The following NKD1 variants were observed in gnomAD, a reference collection of about 807,000 sequenced individuals.
The protein encoded by NKD1 is NKD inhibitor of Wnt signaling pathway 1, also known as protein naked cuticle homolog 1.
In NKD1, 21 loss-of-function variants were observed where a neutral mutation model predicts 56.0. The ratio of observed to expected loss-of-function variants is 0.38; its 90% CI spans 0.27 to 0.54. The LOEUF is 0.54. Among genes scored for constraint, NKD1 ranks in the 20% least tolerant of loss-of-function variants. NKD1 has a pLI of 0.82. For synonymous variants in NKD1, 263 were observed against 265.7 expected, an observed-to-expected ratio of 0.99 and a Z score of 0.10; for missense variants, 578 against 642.7, an observed-to-expected ratio of 0.90 and a Z score of 1.09.
intron 2 of NKD1, 41 bp from the exon 3 acceptor site, chr16:50,549,381 C>T (rs752527401): frequency 8.1e-6 from 13 of 1,597,118 alleles, no homozygotes; most frequent in East Asian, 2.3e-5. Context: ...CTTTTGGCAC[C>T]TGGAGCCAGA....
At chr16:50,603,722 A>G (rs1015549475) in intron 3 of NKD1, among the ~76,000 whole-genome samples, 5 of 152,214 alleles carry the variant, frequency 3.3e-5, no homozygotes. Context: ...TCGCTCCCCA[A>G]GGCTGCTTTG....
At chr16:50,586,432 G>T (rs890972545) in intron 3 of NKD1, among the ~76,000 whole-genome samples, 2 of 152,094 alleles carry the variant, frequency 1.3e-5, no homozygotes, top group South Asian at 2.1e-4. Flanking sequence ...CCAGCCAGGG[G>T]TCATTTAGCT....
intron 3 of NKD1, among the ~76,000 whole-genome samples, chr16:50,591,889 G>A (rs1467885318): frequency 1.3e-5 from 2 of 152,260 alleles, no homozygotes; most frequent in Admixed American, 1.3e-4. Flanking sequence ...CCAAGAAATA[G>A]GTGGGGTGGC....
intron 2 of NKD1, 197 bp downstream of exon 2, chr16:50,548,946 G>A: frequency 2.1e-6 from 2 of 957,176 alleles, no homozygotes; most frequent in African/African-American, 3.7e-5. Flanking sequence ...CCGCGGTCCT[G>A]CGCTCCCACC....
intron 3 of NKD1, chr16:50,566,069 T>G: frequency 1.3e-6 from 1 of 759,172 alleles, no homozygotes; most frequent in Non-Finnish European, 1.6e-6. Flanking sequence ...AAAGCTGGAG[T>G]TTTTCCTTCT....
At chr16:50,595,242 C>G (rs1039987909) in intron 3 of NKD1, among the ~76,000 whole-genome samples, 5 of 152,202 alleles carry the variant, frequency 3.3e-5, no homozygotes, top group Admixed American at 6.5e-5. Flanking sequence ...TGGGTAAGTC[C>G]TGTCCCTTTT....
Position 50,598,256 on chromosome 16 carries a change from T to C in NKD1, c.193-10038T>C, listed in dbSNP as rs1212886388. Among the ~76,000 whole-genome samples, 3 of 144,100 alleles carry C rather than the reference T, an allele frequency of 2.1e-5. No individual in the cohort carries two copies. The highest frequency in any genetic ancestry group is 1.4e-4 in the Admixed American group (2 of 14,436). The allele number at this position is 144,100 out of a possible 152,430, so 94.5% of individuals were successfully genotyped here. The stretch of plus-strand genomic sequence containing the variant: ...GTGTGTGTGTGTGTGTGTGTGTGTG[T>C]GTGTGTGCGCGCACACCTGTGCTCA... On this transcript the variant is annotated intron_variant, in intron 3 of 9. Coordinates refer to ENST00000268459, the MANE Select transcript of NKD1 (RefSeq NM_033119.5). This position sits in a 1 kb window ranked among gnomAD's most constrained non-coding sequence, Gnocchi z 4.2.
chr16:50,618,897 G>C (rs929032103), intron 4 of NKD1, among the ~76,000 whole-genome samples: 7 of 152,228 alleles, frequency 4.6e-5, no homozygotes, highest in African/African-American at 1.7e-4. Context: ...GCCCCTTCAG[G>C]TGAGGAGAAA....
Position 50,621,611 on chromosome 16 carries a change from C to T in NKD1, c.269C>T (p.Pro90Leu), listed in dbSNP as rs1962090971. The change falls in exon 5 of 10, where the codon CCT (proline) becomes CTT (leucine). Residue 90 changes from proline to leucine, a missense_variant. Coordinates refer to ENST00000268459, the MANE Select transcript of NKD1 (RefSeq NM_033119.5). ...EDDFRLEVAL[P>L]PEKTDGLGSG... ...CCTGCCTCCCCGACAGTGGCCCTGCCTCCTGAGAAGACTGACGGGCTGGGC... is the reference window on the plus strand; with the variant it reads ...CCTGCCTCCCCGACAGTGGCCCTGCTTCCTGAGAAGACTGACGGGCTGGGC... The T allele has an allele frequency of 6.2e-7, 1 of 1,613,640 alleles. No homozygotes were observed. Among genetic ancestry groups the T allele is most frequent in the Non-Finnish European group, 8.5e-7 (1 of 1,179,698 alleles).
At chr16:50,579,698 C>A (rs1010634596) in intron 3 of NKD1, among the ~76,000 whole-genome samples, 3 of 149,282 alleles carry the variant, frequency 2.0e-5, no homozygotes, top group Non-Finnish European at 4.4e-5. Context: ...CTGTCTTACT[C>A]CTGCGGGCTA....
At chr16:50,620,922 G>A (rs770091510) in intron 4 of NKD1, among the ~76,000 whole-genome samples, 55 of 152,224 alleles carry the variant, frequency 3.6e-4, no homozygotes, top group Non-Finnish European at 6.9e-4. Flanking sequence ...GGTTCAGGAT[G>A]AGCGTGCTCC....
intron 3 of NKD1, among the ~76,000 whole-genome samples, chr16:50,592,473 G>T (rs1229618910): frequency 2.6e-5 from 4 of 152,238 alleles, no homozygotes; most frequent in Non-Finnish European, 5.9e-5. Flanking sequence ...GAGAGGGTTA[G>T]CGGTGTCCTT....
Position 50,637,723 on chromosome 16 carries a change from G to A in NKD1, c.*3942G>A, listed in dbSNP as rs560799988. 1.3e-5 allele frequency: 2 copies of A among 152,358 alleles called. No homozygotes were observed. The highest frequency in any genetic ancestry group is 1.3e-4 in the Admixed American group (2 of 15,302). 9.4% of individuals were successfully genotyped at this position (152,358 alleles called of 1,614,324 possible). ...AGCACATTTTCCTGCAGGCTGGTAT[G>A]GGTGAGAGGTTTGGTCTTGTTTGCA... On this transcript the variant is annotated 3_prime_UTR_variant, in exon 10 of 10. Coordinates refer to ENST00000268459, the MANE Select transcript of NKD1 (RefSeq NM_033119.5).
intron 8 of NKD1, 125 bp downstream of exon 8, chr16:50,631,035 A>G: frequency 1.6e-6 from 1 of 614,424 alleles, no homozygotes; most frequent in Non-Finnish European, 2.8e-6. Flanking sequence ...CTTTTGATGC[A>G]CAGACTCATA....
intron 3 of NKD1, among the ~76,000 whole-genome samples, chr16:50,584,712 A>G (rs1567341054): frequency 6.6e-6 from 1 of 152,238 alleles, no homozygotes; most frequent in Non-Finnish European, 1.5e-5. Flanking sequence ...ACCCAAGGCC[A>G]TAGGCACATG....
intron 3 of NKD1, chr16:50,570,731 C>A: frequency 1.3e-6 from 1 of 797,616 alleles, no homozygotes; most frequent in Non-Finnish European, 1.5e-6. Context: ...CAAGCTTGGC[C>A]AGCCTTTGGA....
chr16:50,564,703 T>TCTGTC (rs1222110752), intron 3 of NKD1, among the ~76,000 whole-genome samples: 2 of 152,192 alleles, frequency 1.3e-5, no homozygotes, highest in Non-Finnish European at 2.9e-5. Flanking sequence ...TCTGTTCTGT[T>TCTGTC]CTGTCCAAGT....
intron 3 of NKD1, among the ~76,000 whole-genome samples, chr16:50,584,382 G>A (rs997764246): frequency 1.3e-5 from 2 of 152,178 alleles, no homozygotes; most frequent in African/African-American, 4.8e-5. Flanking sequence ...CCCCCAAAAG[G>A]GTATGGAATC....
rs911286754 is a variant in NKD1, at chr16:50,638,057, A to G, written c.*4276A>G. ...GCTAGGAGCAGTTTCTTTCACTCCT[A>G]CAGCCCCGTTTTCTCAGTGTTTAGA... On this transcript the variant is annotated 3_prime_UTR_variant, in exon 10 of 10. Transcript: ENST00000268459. 10 of 152,290 alleles carry G rather than the reference A, an allele frequency of 6.6e-5. No individual in the cohort carries two copies. Among genetic ancestry groups the G allele is most frequent in the African/African-American group, 1.9e-4 (8 of 41,554 alleles). 9.4% of individuals were successfully genotyped at this position (152,290 alleles called of 1,614,324 possible).
Sources: gnomAD v4.1 joint callset for allele counts (sites outside exome capture counted in the v4.1 genomes callset) on GRCh38, gnomAD v4.1.1 for gene constraint, Gnocchi (gnomAD v3.1) non-coding constraint, MANE v1.5 for transcripts, NCBI Gene and HGNC (gene_info 2026-07-23, HGNC 2026-07-21) for gene names.